Variants in PDE11A observed in about 807,000 individuals in gnomAD.
PDE11A encodes dual 3',5'-cyclic-AMP and -GMP phosphodiesterase 11A.
In PDE11A, 100 loss-of-function variants were observed where a neutral mutation model predicts 100.5. The ratio of observed to expected loss-of-function variants is 1.00; its 90% CI spans 0.85 to 1.18. PDE11A has a LOEUF of 1.18. Among genes scored for constraint, PDE11A ranks in the 50% most tolerant of loss-of-function variants. The pLI, the probability that PDE11A is intolerant of heterozygous loss-of-function variation, is 0.00. For synonymous variants in PDE11A, 381 were observed against 420.8 expected (o/e 0.91, Z 1.16); for missense variants, 1,141 against 1,152.6 (o/e 0.99, Z 0.15).
At chr2:178,015,891 G>T (rs2086329616) in intron 1 of PDE11A, among the ~76,000 whole-genome samples, 2 of 152,130 alleles carry the variant, frequency 1.3e-5, no homozygotes, top group Admixed American at 6.6e-5. Flanking sequence ...ACTATTTCAA[G>T]TCAGGGGTTG....
intron 13 of PDE11A, among the ~76,000 whole-genome samples, chr2:177,706,362 C>T (rs769457643): frequency 6.6e-6 from 1 of 152,162 alleles, no homozygotes; most frequent in Non-Finnish European, 1.5e-5. Context: ...ACTGGGAGCA[C>T]TTTAAGAGAA....
chr2:177,954,421 G>A (rs544710745), intron 2 of PDE11A, among the ~76,000 whole-genome samples: 9 of 152,138 alleles, frequency 5.9e-5, no homozygotes, highest in African/African-American at 1.7e-4. Flanking sequence ...ATAAAAATCA[G>A]AAAGCTTTTC....
intron 2 of PDE11A, among the ~76,000 whole-genome samples, chr2:177,992,914 T>C (rs1464588574): frequency 6.6e-6 from 1 of 151,362 alleles, no homozygotes; most frequent in Non-Finnish European, 1.5e-5. Flanking sequence ...TATTCTTTTT[T>C]TTCTCGTTTT....
chr2:177,755,066 C>T (rs1022453104), intron 10 of PDE11A, among the ~76,000 whole-genome samples: 4 of 152,160 alleles, frequency 2.6e-5, no homozygotes, highest in African/African-American at 9.7e-5. Context: ...ATATCAGAGA[C>T]TACAGTGTTC....
At chr2:177,659,361 C>G (rs1321486256) in intron 19 of PDE11A, among the ~76,000 whole-genome samples, 5 of 151,762 alleles carry the variant, frequency 3.3e-5, no homozygotes, top group African/African-American at 1.2e-4. Flanking sequence ...TCAGAAACCT[C>G]ATGACATTTT....
At chr2:177,843,001 A>G (rs749491477) in intron 5 of PDE11A, among the ~76,000 whole-genome samples, 1 of 152,198 alleles carries the variant, frequency 6.6e-6, no homozygotes, top group South Asian at 2.1e-4. Context: ...AGGGAAATCT[A>G]TATCTAGGGA....
intron 2 of PDE11A, among the ~76,000 whole-genome samples, chr2:177,911,691 C>G (rs2084883551): frequency 6.6e-6 from 1 of 152,130 alleles, no homozygotes; most frequent in South Asian, 2.1e-4. Flanking sequence ...CCAGACTAGC[C>G]TGACCAACAT....
intron 2 of PDE11A, among the ~76,000 whole-genome samples, chr2:177,920,253 T>A (rs10180071): frequency 0.086 from 13,043 of 151,608 alleles, 531 homozygotes; most frequent in South Asian, 0.1. Flanking sequence ...ATATGTAAAA[T>A]AAATTAAAAA....
At chr2:177,963,482 G>C (rs751591532) in intron 2 of PDE11A, among the ~76,000 whole-genome samples, 35 of 152,146 alleles carry the variant, frequency 2.3e-4, no homozygotes, top group Non-Finnish European at 3.8e-4. Context: ...CCAAGGAAAA[G>C]TTATTTTCCC....
At chr2:178,097,331 C>T (rs917486819) in intron 2 of PDE11A, among the ~76,000 whole-genome samples, 6 of 152,182 alleles carry the variant, frequency 3.9e-5, no homozygotes, top group African/African-American at 1.4e-4. Flanking sequence ...ACTCACAGTT[C>T]CACATGGCTT....
At chr2:178,033,355 G>C (rs144189407) in intron 1 of PDE11A, among the ~76,000 whole-genome samples, 1,805 of 152,220 alleles carry the variant, frequency 0.012, 40 homozygotes, top group African/African-American at 0.04. Context: ...GGAGAAAAAA[G>C]AATGAAAAGG....
intron 19 of PDE11A, among the ~76,000 whole-genome samples, chr2:177,637,979 G>GTATATATATATATA (rs1191837108): frequency 2.4e-4 from 12 of 50,936 alleles, no homozygotes; most frequent in African/African-American, 7.2e-4. Context: ...ATATACACGT[G>GTATATATATATATA]TATATATATA....
chr2:177,796,505 C>G (rs1256846910), intron 9 of PDE11A, among the ~76,000 whole-genome samples: 1 of 152,022 alleles, frequency 6.6e-6, no homozygotes, highest in African/African-American at 2.4e-5. Flanking sequence ...AGGGCTCACA[C>G]CTGTTAAAAT....
intron 2 of PDE11A, among the ~76,000 whole-genome samples, chr2:178,082,375 T>C (rs2087297146): frequency 1.3e-5 from 2 of 152,224 alleles, no homozygotes; most frequent in Admixed American, 1.3e-4. Context: ...AAAATACGTA[T>C]ACCATTTTTT....
chr2:177,744,297 G>A (rs1248551252), intron 10 of PDE11A, among the ~76,000 whole-genome samples: 1 of 152,016 alleles, frequency 6.6e-6, no homozygotes, highest in Non-Finnish European at 1.5e-5. Context: ...ATCTGCCTGG[G>A]GGAGAGTGTG....
chr2:177,998,767 G>C, intron 2 of PDE11A: 2 of 773,360 alleles, frequency 2.6e-6, no homozygotes, highest in Non-Finnish European at 4.6e-6. Flanking sequence ...TCTACCATCG[G>C]CATGGTGAGC....
At chr2:177,827,840 G>A (rs2083249664) in intron 6 of PDE11A, among the ~76,000 whole-genome samples, 1 of 152,178 alleles carries the variant, frequency 6.6e-6, no homozygotes, top group African/African-American at 2.4e-5. Context: ...ACAAGAGGCG[G>A]TCATCTGCAA....
chr2:177,925,269 G>A (rs2085110697), intron 2 of PDE11A, among the ~76,000 whole-genome samples: 1 of 151,974 alleles, frequency 6.6e-6, no homozygotes, highest in Admixed American at 6.6e-5. Context: ...TGGGTCAAAT[G>A]TTATTTCTAG....
At chr2:177,741,390 CT>C (rs2081869693) in intron 10 of PDE11A, among the ~76,000 whole-genome samples, 1 of 152,172 alleles carries the variant, frequency 6.6e-6, no homozygotes, top group Non-Finnish European at 1.5e-5. Flanking sequence ...TTTAAAACCC[CT>C]ATCTCCAAAT....
Sources: allele counts gnomAD v4.1 joint callset (sites outside exome capture counted in the v4.1 genomes callset), GRCh38; gene constraint gnomAD v4.1.1; transcripts MANE v1.5; gene names NCBI Gene and HGNC (gene_info 2026-07-23, HGNC 2026-07-21).